FIG4: variants seen among roughly 807,000 people sequenced by gnomAD.
The protein encoded by FIG4 is polyphosphoinositide phosphatase.
FIG4 carries 112 observed loss-of-function variants against 118.6 expected under a neutral mutation model. The observed-to-expected ratio is 0.94, with a 90% CI of 0.81 to 1.11. The LOEUF is 1.11. Among genes scored for constraint, FIG4 ranks in the 50% least tolerant of loss-of-function variants. The pLI is 0.00. For missense variants in FIG4, 969 were observed against 1,111.7 expected, an observed-to-expected ratio of 0.87 and a Z score of 1.83; for synonymous variants, 369 against 381.2, an observed-to-expected ratio of 0.97 and a Z score of 0.37.
rs114361008 is a variant in FIG4 at position 109,773,624 on chromosome 6, C to T, written c.1751-3298C>T. Among the ~76,000 whole-genome samples, 1,069 of 152,276 alleles carry T rather than the reference C, an allele frequency of 7.0e-3. 15 individuals are homozygous for T. Among genetic ancestry groups the T allele is most frequent in the African/African-American group, 0.025 (1,021 of 41,538 alleles). Reference sequence around the variant, plus strand: ...CCTACTTCTGACACGCTAGTCCACACAGCCACGGCCATCCACTGTTATCTG... The same window carrying T: ...CCTACTTCTGACACGCTAGTCCACATAGCCACGGCCATCCACTGTTATCTG... On this transcript the variant is annotated intron_variant, in intron 15 of 22. Transcript: ENST00000230124.
chr6:109,771,380 A>G (rs1299741740), intron 15 of FIG4, among the ~76,000 whole-genome samples: 2 of 152,086 alleles, frequency 1.3e-5, no homozygotes, highest in East Asian at 1.9e-4. Context: ...CCTTAAAACT[A>G]CAACACCTCA....
At chr6:109,786,058 G>A (rs1777945760) in intron 17 of FIG4, 1 of 519,488 alleles carries the variant, frequency 1.9e-6, no homozygotes, top group Non-Finnish European at 3.4e-6. Context: ...GCTCCCATTG[G>A]ACTTCCTGAG....
At chr6:109,792,827 A>T (rs1254639690) in intron 21 of FIG4, among the ~76,000 whole-genome samples, 163 bp downstream of exon 21, 2 of 138,052 alleles carry the variant, frequency 1.4e-5, no homozygotes, top group African/African-American at 5.6e-5. Flanking sequence ...AGTAGCTGGG[A>T]TTGCAGGTGC....
intron 1 of FIG4, among the ~76,000 whole-genome samples, chr6:109,707,184 T>C (rs1775094899): frequency 6.6e-6 from 1 of 152,074 alleles, no homozygotes; most frequent in African/African-American, 2.4e-5. Flanking sequence ...AGCTTTCTTC[T>C]TGAGGTCAGG....
intron 10 of FIG4, among the ~76,000 whole-genome samples, chr6:109,752,115 T>C (rs1335736337): frequency 6.6e-6 from 1 of 151,608 alleles, no homozygotes; most frequent in Non-Finnish European, 1.5e-5. Context: ...TGCGATAGTT[T>C]ACTGAGAATG....
chr6:109,691,966 G>A (rs1175589561), intron 1 of FIG4, among the ~76,000 whole-genome samples: 1 of 152,098 alleles, frequency 6.6e-6, no homozygotes, highest in African/African-American at 2.4e-5. Flanking sequence ...ACTTCTATTG[G>A]TGAACTTTTT....
At chr6:109,743,957 G>C (rs188554053) in intron 10 of FIG4, among the ~76,000 whole-genome samples, 185 bp downstream of exon 10, 1 of 152,182 alleles carries the variant, frequency 6.6e-6, no homozygotes, top group Non-Finnish European at 1.5e-5. Flanking sequence ...ATTCCATGTG[G>C]CTTCTCTGCA....
intron 3 of FIG4, among the ~76,000 whole-genome samples, chr6:109,719,142 C>T (rs551201321): frequency 2.0e-5 from 3 of 152,242 alleles, no homozygotes; most frequent in South Asian, 2.1e-4. Flanking sequence ...TGATCTCAAG[C>T]TCCTGGCCTC....
rs1308910354 is a variant in FIG4 at position 109,761,361 on chromosome 6, T to TTTG, written c.1272-712_1272-710dup. Among the ~76,000 whole-genome samples the TTTG allele has an allele frequency of 2.4e-3, 360 of 151,932 alleles. 1 individual carries two copies. The highest frequency in any genetic ancestry group is 6.8e-3 in the Middle Eastern group (2 of 292). ...ATGCACCACCGTGCCTGGCTAATTT[T>TTTG]TTGTTGTTGTTGTTGTTGTTTTTGT... On this transcript the variant is annotated intron_variant, in intron 11 of 22. Coordinates refer to ENST00000230124, the MANE Select transcript of FIG4 (RefSeq NM_014845.6).
intron 21 of FIG4, among the ~76,000 whole-genome samples, chr6:109,793,403 A>G (rs561649821): frequency 1.3e-5 from 2 of 152,320 alleles, no homozygotes; most frequent in South Asian, 4.1e-4. Flanking sequence ...AGGCAAATCT[A>G]GTTGAAAGGA....
Position 109,825,204 on chromosome 6 carries a change from A to G in FIG4, c.2663A>G (p.Gln888Arg), listed in dbSNP as rs200901577. ...AHIQASQGIM[Q>R]PLGKEDSSMY... The stretch of plus-strand genomic sequence containing the variant: ...ATCCAGGCCAGCCAAGGTATCATGC[A>G]GCCCCTAGGAAAAGAGGACTCCTCC... The change falls in exon 23 of 23, where the codon CAG becomes CGG. Residue 888 changes from glutamine (Q) to arginine (R), a missense_variant. Coordinates refer to ENST00000230124, the MANE Select transcript of FIG4 (RefSeq NM_014845.6). The G allele has an allele frequency of 6.2e-7, 1 of 1,614,018 alleles. No individual in the cohort carries two copies. The highest frequency in any genetic ancestry group is 8.5e-7 in the Non-Finnish European group (1 of 1,179,988).
At chr6:109,704,498 A>G (rs761463598) in intron 1 of FIG4, among the ~76,000 whole-genome samples, 2 of 152,078 alleles carry the variant, frequency 1.3e-5, no homozygotes, top group Non-Finnish European at 2.9e-5. Flanking sequence ...TCTACTAAAA[A>G]TACAACAACA....
At chr6:109,785,748 T>G (rs1201678914) in intron 17 of FIG4, 1 of 468,848 alleles carries the variant, frequency 2.1e-6, no homozygotes, top group Non-Finnish European at 4.4e-6. Context: ...GCATCCCAAC[T>G]TTGGGTGGGG....
intron 22 of FIG4, among the ~76,000 whole-genome samples, chr6:109,810,687 A>AT (rs2128400417): frequency 6.6e-6 from 1 of 152,338 alleles, no homozygotes; most frequent in Non-Finnish European, 1.5e-5. Context: ...CATGCAATAA[A>AT]TTGTTTAGTG....
intron 15 of FIG4, among the ~76,000 whole-genome samples, chr6:109,768,023 T>C (rs1309814531): frequency 6.6e-6 from 1 of 152,204 alleles, no homozygotes; most frequent in African/African-American, 2.4e-5. Context: ...CTTGGACTGT[T>C]GCACAGCAGA....
chr6:109,737,209 A>G (rs941814259), intron 6 of FIG4, among the ~76,000 whole-genome samples: 5 of 152,156 alleles, frequency 3.3e-5, no homozygotes, highest in African/African-American at 1.2e-4. Flanking sequence ...GGGTAAACTG[A>G]TAAGAAATGG....
chr6:109,784,675 T>G (rs1201915388), intron 16 of FIG4, among the ~76,000 whole-genome samples: 1 of 152,188 alleles, frequency 6.6e-6, no homozygotes, highest in Admixed American at 6.5e-5. Flanking sequence ...GCTTATTACC[T>G]TCTAATCCTT....
At chr6:109,727,338 G>C in intron 4 of FIG4, 73 bp downstream of exon 4, 1 of 1,214,138 alleles carries the variant, frequency 8.2e-7, no homozygotes, top group Non-Finnish European at 1.2e-6. Flanking sequence ...TGGAAGGCTG[G>C]AATATAATGG....
intron 22 of FIG4, among the ~76,000 whole-genome samples, chr6:109,816,420 C>T (rs1204927805): frequency 6.6e-6 from 1 of 152,140 alleles, no homozygotes; most frequent in Non-Finnish European, 1.5e-5. Context: ...CCTAAGGAGA[C>T]GTGATGACTA....
Sources: gnomAD v4.1 joint callset for allele counts (sites outside exome capture counted in the v4.1 genomes callset) on GRCh38, gnomAD v4.1.1 for gene constraint, MANE v1.5 for transcripts, NCBI Gene and HGNC (gene_info 2026-07-23, HGNC 2026-07-21) for gene names.